RHOU: variants seen among roughly 807,000 people sequenced by gnomAD.
RHOU encodes the protein rho-related GTP-binding protein RhoU.
Under a neutral mutation model 12.6 loss-of-function variants are expected in RHOU, and 8 were observed. The observed-to-expected ratio is 0.64, with a 90% CI of 0.37 to 1.15. The LOEUF (loss-of-function observed/expected upper bound fraction) is 1.15, where lower values mean the gene tolerates loss of function less well. Among genes scored for constraint, RHOU ranks in the 50% most tolerant of loss-of-function variants. RHOU has a pLI of 0.01. For missense variants in RHOU, 258 were observed against 347.0 expected, an observed-to-expected ratio of 0.74 and a Z score of 2.04; for synonymous variants, 161 against 147.4, an observed-to-expected ratio of 1.09 and a Z score of -0.67.
At chr1:228,702,448 G>A in the RHOU span, among the ~76,000 whole-genome samples, 1 of 152,154 alleles carries the variant, frequency 6.6e-6, no homozygotes, top group East Asian at 1.9e-4. Context: ...GGGCCAGGGA[G>A]AAAGGGGTCA....
At chr1:228,668,728 C>T in the RHOU span, among the ~76,000 whole-genome samples, 1 of 152,210 alleles carries the variant, frequency 6.6e-6, no homozygotes, top group Non-Finnish European at 1.5e-5. Context: ...TGTCTGGCTG[C>T]TCGCCCAGCC....
chr1:228,690,448 C>A, the RHOU span, among the ~76,000 whole-genome samples: 2 of 151,716 alleles, frequency 1.3e-5, no homozygotes, highest in Non-Finnish European at 2.9e-5. Context: ...GCCTCAGCCT[C>A]CTGAGTAGCT....
At chr1:228,719,157 TAGAAAA>T in the RHOU span, among the ~76,000 whole-genome samples, 1 of 152,198 alleles carries the variant, frequency 6.6e-6, no homozygotes, top group African/African-American at 2.4e-5. Flanking sequence ...AAGTGAGACT[TAGAAAA>T]ACATCCTTCT....
At chr1:228,707,050 T>C in the RHOU span, among the ~76,000 whole-genome samples, 4 of 146,828 alleles carry the variant, frequency 2.7e-5, no homozygotes, top group African/African-American at 1.0e-4. Flanking sequence ...AGTGCTTTAA[T>C]GTTTTTCCAT....
the RHOU span, among the ~76,000 whole-genome samples, chr1:228,707,208 T>TATATATAC: frequency 1.2e-4 from 12 of 99,364 alleles, no homozygotes; most frequent in African/African-American, 6.9e-4. Flanking sequence ...TATATATACA[T>TATATATAC]ATATATATAC....
At chr1:228,708,477 A>G in the RHOU span, among the ~76,000 whole-genome samples, 8 of 151,744 alleles carry the variant, frequency 5.3e-5, 1 homozygote, top group African/African-American at 1.9e-4. Flanking sequence ...AAACTCTACA[A>G]GCCAGAAGAG....
At chr1:228,699,695 A>C in the RHOU span, among the ~76,000 whole-genome samples, 1 of 143,022 alleles carries the variant, frequency 7.0e-6, no homozygotes, top group Admixed American at 6.7e-5. Flanking sequence ...TGACTTATTT[A>C]ACTGTTTTAT....
the RHOU span, among the ~76,000 whole-genome samples, chr1:228,707,196 C>CATATATATATACAT: frequency 8.5e-5 from 6 of 70,616 alleles, no homozygotes; most frequent in African/African-American, 2.5e-4. Flanking sequence ...TATATATATA[C>CATATATATATACAT]ATATATATAC....
chr1:228,672,203 T>G, the RHOU span, among the ~76,000 whole-genome samples: 1 of 152,240 alleles, frequency 6.6e-6, no homozygotes, highest in Admixed American at 6.5e-5. Context: ...GTTTTGCTCT[T>G]GTTGCCCAGG....
chr1:228,715,910 A>G, the RHOU span, among the ~76,000 whole-genome samples: 1 of 148,872 alleles, frequency 6.7e-6, no homozygotes, highest in African/African-American at 2.5e-5. Context: ...TTTAAAAAGT[A>G]TGAACTTTTT....
the RHOU span, among the ~76,000 whole-genome samples, chr1:228,701,798 T>G: frequency 6.6e-6 from 1 of 151,790 alleles, no homozygotes; most frequent in South Asian, 2.1e-4. Context: ...TGTATTTGTA[T>G]TCTTTTACAG....
the RHOU span, among the ~76,000 whole-genome samples, chr1:228,679,761 G>T: frequency 1.9e-3 from 286 of 152,066 alleles, 1 homozygote; most frequent in African/African-American, 6.7e-3. Flanking sequence ...GGTTTTAATG[G>T]GATGGTAAGG....
At chr1:228,711,439 T>C in the RHOU span, among the ~76,000 whole-genome samples, 1 of 152,138 alleles carries the variant, frequency 6.6e-6, no homozygotes, top group Non-Finnish European at 1.5e-5. Flanking sequence ...CAAAAAAGCA[T>C]GGTACTGGTA....
At chr1:228,670,340 G>A in the RHOU span, among the ~76,000 whole-genome samples, 5 of 152,198 alleles carry the variant, frequency 3.3e-5, no homozygotes, top group Admixed American at 6.5e-5. Context: ...GGGCCTCTTC[G>A]CTAGCTGGGC....
the RHOU span, among the ~76,000 whole-genome samples, chr1:228,699,991 T>C: frequency 2.0e-5 from 3 of 152,218 alleles, no homozygotes; most frequent in Non-Finnish European, 4.4e-5. Flanking sequence ...AAGACCGTTT[T>C]AGTAATCTAC....
the RHOU span, among the ~76,000 whole-genome samples, chr1:228,674,004 C>T: frequency 6.6e-6 from 1 of 152,230 alleles, no homozygotes; most frequent in Non-Finnish European, 1.5e-5. Context: ...CGCTTCCCAT[C>T]ATGACAGTTT....
the RHOU span, among the ~76,000 whole-genome samples, chr1:228,659,885 C>T: frequency 7.0e-6 from 1 of 142,068 alleles, no homozygotes; most frequent in African/African-American, 2.6e-5. Context: ...TCGGGAGGCT[C>T]AGGCAGGTGG....
At chr1:228,664,861 TGACCTCAGGTGATCCACC>T in the RHOU span, among the ~76,000 whole-genome samples, 2 of 151,944 alleles carry the variant, frequency 1.3e-5, no homozygotes, top group African/African-American at 2.4e-5. Flanking sequence ...CTCGAAATCC[TGACCTCAGGTGATCCACC>T]GACCTCAGGT....
chr1:228,655,675 A>G, the RHOU span, among the ~76,000 whole-genome samples: 3 of 152,242 alleles, frequency 2.0e-5, no homozygotes, highest in Admixed American at 6.5e-5. Context: ...AGACCAGACT[A>G]ACAGCTCAGG....
Sources: allele counts gnomAD v4.1 joint callset (sites outside exome capture counted in the v4.1 genomes callset), GRCh38; gene constraint gnomAD v4.1.1; transcripts MANE v1.5; gene names NCBI Gene and HGNC (gene_info 2026-07-23, HGNC 2026-07-21).